Variants in PTPRG observed in about 807,000 individuals in gnomAD.
The protein encoded by PTPRG is protein tyrosine phosphatase receptor type G, also known as receptor-type tyrosine-protein phosphatase gamma.
Under a neutral mutation model 165.3 loss-of-function variants are expected in PTPRG, and 102 were observed. That is an observed-to-expected ratio of 0.62 (90% confidence interval 0.53 to 0.73). The LOEUF is 0.73. PTPRG is among the 30% of genes least tolerant of loss of function. PTPRG has a pLI of 0.00. For synonymous variants in PTPRG, 675 were observed against 669.5 expected, an observed-to-expected ratio of 1.01 and a Z score of -0.13; for missense variants, 1,866 against 1,861.4, an observed-to-expected ratio of 1.00 and a Z score of -0.05.
chr3:61,681,173 C>T (rs1703429897), intron 1 of PTPRG, among the ~76,000 whole-genome samples: 1 of 151,134 alleles, frequency 6.6e-6, no homozygotes, highest in Non-Finnish European at 1.5e-5. Context: ...AAGCTTTTAG[C>T]TTGTGAAAAG....
intron 1 of PTPRG, among the ~76,000 whole-genome samples, chr3:61,672,405 G>T (rs1181896811): frequency 7.4e-6 from 1 of 135,696 alleles, no homozygotes; most frequent in Non-Finnish European, 1.6e-5. Context: ...CCGAGATCAC[G>T]CCACTGCACT....
At chr3:62,108,815 A>T (rs565822325) in intron 5 of PTPRG, among the ~76,000 whole-genome samples, 2 of 152,066 alleles carry the variant, frequency 1.3e-5, no homozygotes, top group East Asian at 3.9e-4. Context: ...GCTTTTTTCC[A>T]TGTGTCTGTT....
chr3:61,713,452 T>A (rs1277625415), intron 1 of PTPRG, among the ~76,000 whole-genome samples: 1 of 151,952 alleles, frequency 6.6e-6, no homozygotes, highest in Admixed American at 6.6e-5. Context: ...ATTACAGGCA[T>A]GAGCCACTGC....
At chr3:61,644,081 G>A (rs144211354) in intron 1 of PTPRG, among the ~76,000 whole-genome samples, 1 of 152,258 alleles carries the variant, frequency 6.6e-6, no homozygotes, top group African/African-American at 2.4e-5. Context: ...GCAGATGTGT[G>A]AATATTAAGT....
chr3:61,702,428 C>A (rs2031018706), intron 1 of PTPRG, among the ~76,000 whole-genome samples: 1 of 152,228 alleles, frequency 6.6e-6, no homozygotes, highest in Non-Finnish European at 1.5e-5. Context: ...AATAAAGTAA[C>A]TGACTGTAAG....
intron 2 of PTPRG, among the ~76,000 whole-genome samples, chr3:61,883,569 C>T (rs750147784): frequency 1.3e-5 from 2 of 152,042 alleles, no homozygotes; most frequent in South Asian, 4.1e-4. Context: ...AATAAGAATT[C>T]CATGGGGACA....
chr3:62,120,775 G>A (rs777025096), intron 5 of PTPRG, among the ~76,000 whole-genome samples: 25 of 151,556 alleles, frequency 1.6e-4, no homozygotes, highest in Admixed American at 3.9e-4. Context: ...AAGATTGGAA[G>A]ATGAAAGATT....
At chr3:61,619,105 C>T (rs67702220) in intron 1 of PTPRG, among the ~76,000 whole-genome samples, 13,352 of 151,884 alleles carry the variant, frequency 0.088, 714 homozygotes, top group East Asian at 0.2. Context: ...TACAGTGAAC[C>T]GTGATCATGC....
intron 1 of PTPRG, among the ~76,000 whole-genome samples, chr3:61,695,025 T>A (rs1166225071): frequency 6.6e-6 from 1 of 152,084 alleles, no homozygotes; most frequent in Admixed American, 6.5e-5. Context: ...TCTTTTTTTT[T>A]TTGAGACAGA....
intron 5 of PTPRG, among the ~76,000 whole-genome samples, chr3:62,103,539 A>T (rs191564295): frequency 6.6e-6 from 1 of 152,360 alleles, no homozygotes; most frequent in Non-Finnish European, 1.5e-5. Context: ...AAAGGAATAC[A>T]TAATTATCTT....
chr3:62,267,440 T>C lies in PTPRG; in HGVS notation c.2687T>C (p.Leu896Ser), dbSNP rs1326726248. 2 of 1,611,308 alleles carry C rather than the reference T, an allele frequency of 1.2e-6. No individual in the cohort carries two copies. Among genetic ancestry groups the C allele is most frequent in the African/African-American group, 1.3e-5 (1 of 74,950 alleles). ...CACAGTAGGGTGAAGTTAAGACCTT[T>C]ACCAGGAAAAGACTCTAAGCACAGC... ...YDHSRVKLRP[L>S]PGKDSKHSDY... is the part of the protein sequence containing the mutation. The change falls in exon 18 of 30, where the codon TTA (leucine) becomes TCA (serine). Residue 896 changes from leucine to serine, a missense_variant. Transcript: ENST00000474889.
At chr3:61,649,871 A>G (rs908408040) in intron 1 of PTPRG, among the ~76,000 whole-genome samples, 2 of 152,180 alleles carry the variant, frequency 1.3e-5, no homozygotes, top group African/African-American at 4.8e-5. Flanking sequence ...TGGGGTTTGA[A>G]TCCTGCCTTA....
intron 14 of PTPRG, among the ~76,000 whole-genome samples, chr3:62,232,692 T>C (rs1290994872): frequency 6.6e-6 from 1 of 152,244 alleles, no homozygotes; most frequent in East Asian, 1.9e-4. Context: ...GGGCCCATTA[T>C]AGATATATTT....
At chr3:61,670,099 C>G (rs986980694) in intron 1 of PTPRG, among the ~76,000 whole-genome samples, 14 of 152,138 alleles carry the variant, frequency 9.2e-5, no homozygotes, top group African/African-American at 3.1e-4. Context: ...ACACATAGCC[C>G]TGTGGGAAGA....
At chr3:61,779,487 T>C (rs1261422506) in intron 2 of PTPRG, among the ~76,000 whole-genome samples, 1 of 152,092 alleles carries the variant, frequency 6.6e-6, no homozygotes, top group African/African-American at 2.4e-5. Context: ...CCCGGGGAGA[T>C]AGGGCTAAAA....
chr3:61,882,281 G>A (rs750712189), intron 2 of PTPRG, among the ~76,000 whole-genome samples: 18 of 152,178 alleles, frequency 1.2e-4, no homozygotes, highest in Non-Finnish European at 2.1e-4. Flanking sequence ...TGTTTCCTCT[G>A]AAAAGGGACT....
At position 62,219,378 on chromosome 3, in the gene PTPRG, C is replaced by A. The variant is rs1700595102; in HGVS notation, c.2288+395C>A. 6.6e-6 allele frequency among the ~76,000 whole-genome samples: 1 copy of A among 152,200 alleles called. No individual in the cohort carries two copies. The highest frequency in any genetic ancestry group is 1.5e-5 in the Non-Finnish European group (1 of 68,040). On this transcript the variant is annotated intron_variant, in intron 13 of 29. Transcript: ENST00000474889. This position sits in a 1 kb window ranked among gnomAD's most constrained non-coding sequence, Gnocchi z 4.5. Reference sequence around the variant, plus strand: ...GAGATGATGCTTACTTTGTTGTAGTCACATAATAACTCCTCTTTACCTTAG... The same window carrying A: ...GAGATGATGCTTACTTTGTTGTAGTAACATAATAACTCCTCTTTACCTTAG...
At chr3:61,826,583 A>G (rs916547863) in intron 2 of PTPRG, among the ~76,000 whole-genome samples, 1 of 151,870 alleles carries the variant, frequency 6.6e-6, no homozygotes, top group Non-Finnish European at 1.5e-5. Context: ...ATGACGGCCA[A>G]TTTGTTAAAA....
intron 2 of PTPRG, among the ~76,000 whole-genome samples, chr3:61,944,107 T>TTTG (rs982305748): frequency 2.3e-4 from 35 of 152,254 alleles, no homozygotes; most frequent in Non-Finnish European, 4.3e-4. Context: ...GAGCTCATTT[T>TTTG]TTGTTGTTGT....
Sources: allele counts gnomAD v4.1 joint callset (sites outside exome capture counted in the v4.1 genomes callset), GRCh38; gene constraint gnomAD v4.1.1; non-coding constraint Gnocchi (gnomAD v3.1); transcripts MANE v1.5; gene names NCBI Gene and HGNC (gene_info 2026-07-23, HGNC 2026-07-21).